HEMK2: variants seen among roughly 807,000 people sequenced by gnomAD.
The protein encoded by HEMK2 is HemK methyltransferase 2, ETF1 glutamine and histone H4 lysine.
chr21:28,819,585 G>C, the HEMK2 span, among the ~76,000 whole-genome samples: 1 of 123,776 alleles, frequency 8.1e-6, no homozygotes, highest in Non-Finnish European at 1.6e-5. Context: ...TTAATCTGTC[G>C]CCAGGCTGGA....
At chr21:28,596,662 A>T in the HEMK2 span, among the ~76,000 whole-genome samples, 1 of 152,226 alleles carries the variant, frequency 6.6e-6, no homozygotes, top group Non-Finnish European at 1.5e-5. Context: ...CTACAAATGG[A>T]ATTACCAATG....
At chr21:28,728,153 G>A in the HEMK2 span, among the ~76,000 whole-genome samples, 1 of 152,162 alleles carries the variant, frequency 6.6e-6, no homozygotes, top group Non-Finnish European at 1.5e-5. Context: ...AGTGGCAATA[G>A]GAAACTAATT....
chr21:28,683,456 T>G, the HEMK2 span, among the ~76,000 whole-genome samples: 1 of 152,272 alleles, frequency 6.6e-6, no homozygotes, highest in African/African-American at 2.4e-5. Flanking sequence ...AAAACCATGA[T>G]GGGTCACTGC....
the HEMK2 span, among the ~76,000 whole-genome samples, chr21:28,650,481 G>A: frequency 6.6e-6 from 1 of 152,146 alleles, no homozygotes; most frequent in Non-Finnish European, 1.5e-5. Context: ...AGAGAATTAA[G>A]AGACAGTCAG....
chr21:28,636,848 C>T, the HEMK2 span, among the ~76,000 whole-genome samples: 9 of 152,164 alleles, frequency 5.9e-5, no homozygotes, highest in Non-Finnish European at 1.0e-4. Context: ...TTACCCGAGT[C>T]CCTCATACAG....
At chr21:28,619,712 G>A in the HEMK2 span, among the ~76,000 whole-genome samples, 1 of 152,196 alleles carries the variant, frequency 6.6e-6, no homozygotes, top group South Asian at 2.1e-4. Flanking sequence ...AAGAACTATT[G>A]ATTCAGTGCT....
At chr21:28,693,618 G>A in the HEMK2 span, among the ~76,000 whole-genome samples, 1 of 152,208 alleles carries the variant, frequency 6.6e-6, no homozygotes, top group African/African-American at 2.4e-5. Flanking sequence ...CTGCCAAAAT[G>A]AAGTACATTT....
chr21:28,717,919 A>G, the HEMK2 span, among the ~76,000 whole-genome samples: 3 of 152,062 alleles, frequency 2.0e-5, no homozygotes, highest in Non-Finnish European at 4.4e-5. Context: ...TTTGGATCTC[A>G]ATTTCATTCA....
At chr21:28,712,992 T>C in the HEMK2 span, among the ~76,000 whole-genome samples, 368 of 152,248 alleles carry the variant, frequency 2.4e-3, 1 homozygote, top group African/African-American at 8.3e-3. Context: ...AGGCAAAAGG[T>C]ACACTAAGGT....
the HEMK2 span, among the ~76,000 whole-genome samples, chr21:28,711,130 T>C: frequency 2.0e-5 from 3 of 152,240 alleles, no homozygotes; most frequent in Middle Eastern, 3.4e-3. Context: ...GTACTTTTAA[T>C]TAAAAAATAA....
At chr21:28,708,583 G>A in the HEMK2 span, among the ~76,000 whole-genome samples, 8 of 152,108 alleles carry the variant, frequency 5.3e-5, no homozygotes, top group Admixed American at 5.2e-4. Context: ...GTCAACAATG[G>A]TTATGACCAA....
chr21:28,785,387 A>T, the HEMK2 span, among the ~76,000 whole-genome samples: 2 of 152,228 alleles, frequency 1.3e-5, no homozygotes, highest in African/African-American at 4.8e-5. Flanking sequence ...ATATGTATCA[A>T]ACTTTAAAAT....
chr21:28,800,607 T>C, the HEMK2 span, among the ~76,000 whole-genome samples: 1 of 152,188 alleles, frequency 6.6e-6, no homozygotes, highest in African/African-American at 2.4e-5. Flanking sequence ...ATTGTGCATG[T>C]GTATGCCTTT....
the HEMK2 span, among the ~76,000 whole-genome samples, chr21:28,775,826 A>G: frequency 6.6e-6 from 1 of 152,222 alleles, no homozygotes; most frequent in African/African-American, 2.4e-5. Context: ...GACTAAGTGT[A>G]CACAACCCTT....
chr21:28,765,975 T>C, the HEMK2 span, among the ~76,000 whole-genome samples: 1 of 152,118 alleles, frequency 6.6e-6, no homozygotes, highest in East Asian at 1.9e-4. Context: ...TATGCAGCCA[T>C]AAAAAAGAAT....
At chr21:28,575,724 C>G in the HEMK2 span, among the ~76,000 whole-genome samples, 826 of 152,308 alleles carry the variant, frequency 5.4e-3, 11 homozygotes, top group African/African-American at 0.018. Context: ...AATGAAGACA[C>G]AGACATTTCC....
the HEMK2 span, among the ~76,000 whole-genome samples, chr21:28,613,616 ATTCTTT>A: frequency 2.1e-5 from 1 of 47,026 alleles, no homozygotes; most frequent in African/African-American, 9.9e-5. Flanking sequence ...CTTTCTGCAT[ATTCTTT>A]TTTTTTTTTT....
chr21:28,804,389 T>C, the HEMK2 span, among the ~76,000 whole-genome samples: 1 of 152,180 alleles, frequency 6.6e-6, no homozygotes, highest in African/African-American at 2.4e-5. Flanking sequence ...CCAGATTTTC[T>C]TTTTAGCTGT....
the HEMK2 span, among the ~76,000 whole-genome samples, chr21:28,666,475 T>C: frequency 6.6e-6 from 1 of 152,204 alleles, no homozygotes; most frequent in African/African-American, 2.4e-5. Flanking sequence ...CTTCTGGCAA[T>C]GTGGTCTTCT....
Sources: allele counts gnomAD v4.1 joint callset (sites outside exome capture counted in the v4.1 genomes callset), GRCh38; gene constraint gnomAD v4.1.1; transcripts MANE v1.5; gene names NCBI Gene and HGNC (gene_info 2026-07-23, HGNC 2026-07-21).